Variants in COX7B2 observed in about 807,000 individuals in gnomAD.
COX7B2 encodes the protein cytochrome c oxidase subunit 7B2, mitochondrial.
For synonymous variants in COX7B2, 37 were observed against 32.1 expected (o/e 1.15, Z -0.51); for missense variants, 109 against 95.9 (o/e 1.14, Z -0.57).
At chr4:46,781,846 G>A (rs945042711) in intron 2 of COX7B2, among the ~76,000 whole-genome samples, 13 of 152,224 alleles carry the variant, frequency 8.5e-5, no homozygotes, top group Non-Finnish European at 1.6e-4. Flanking sequence ...GAGGATGTGC[G>A]GGGTCCCTCA....
intron 2 of COX7B2, among the ~76,000 whole-genome samples, chr4:46,824,640 T>A: frequency 6.9e-6 from 1 of 144,912 alleles, no homozygotes; most frequent in Non-Finnish European, 1.5e-5. Context: ...ATTATGTGAG[T>A]ATTACTGTTT....
intron 2 of COX7B2, among the ~76,000 whole-genome samples, chr4:46,758,290 A>G (rs955044414): frequency 1.3e-5 from 2 of 152,072 alleles, no homozygotes; most frequent in Non-Finnish European, 2.9e-5. Flanking sequence ...ACTGAGAGGT[A>G]TAGAGCATAG....
intron 2 of COX7B2, among the ~76,000 whole-genome samples, chr4:46,822,454 A>C (rs1714366270): frequency 6.6e-6 from 1 of 152,142 alleles, no homozygotes; most frequent in Non-Finnish European, 1.5e-5. Context: ...AGAAGTATCT[A>C]TTTGTTGATT....
intron 1 of COX7B2, among the ~76,000 whole-genome samples, chr4:46,848,324 TA>T (rs1234996218): frequency 6.6e-6 from 1 of 152,020 alleles, no homozygotes; most frequent in East Asian, 1.9e-4. Context: ...GATTGGCTTT[TA>T]ATTTATTTTT....
rs542843285 is a variant in COX7B2 at position 46,840,396 on chromosome 4, G to A, written c.-50+4564C>T. 3.3e-5 allele frequency among the ~76,000 whole-genome samples: 5 copies of A among 152,094 alleles called. No homozygotes were observed. The South Asian group carries it at 6.2e-4, about 19-fold the overall frequency. On this transcript the variant is annotated intron_variant, in intron 2 of 2. Transcript: ENST00000355591. ...CAACAATAATAGGATTCAGCAGGTAGGAAAGAGAGGATATTATATTAAATA... is the reference window on the plus strand; with the variant it reads ...CAACAATAATAGGATTCAGCAGGTAAGAAAGAGAGGATATTATATTAAATA...
At chr4:46,907,961 C>T (rs1455496808) in intron 1 of COX7B2, among the ~76,000 whole-genome samples, 2 of 146,478 alleles carry the variant, frequency 1.4e-5, no homozygotes, top group African/African-American at 5.1e-5. Context: ...TCAAGCGATT[C>T]TCCCGGCTCA....
chr4:46,824,898 G>A (rs756006406), intron 2 of COX7B2, among the ~76,000 whole-genome samples: 31 of 151,822 alleles, frequency 2.0e-4, no homozygotes, highest in Admixed American at 3.9e-4. Flanking sequence ...AATAGAAGCC[G>A]TCTATGACAA....
In COX7B2 at chr4:46,884,880, T is replaced by C. The variant is rs1403283280; in HGVS notation, c.-105+24280A>G. ...GCTTCAAACAATCTATTTGATCTGTTTGCTTTTTTTTTTTTATTATGCTAG... is the reference window on the plus strand; with the variant it reads ...GCTTCAAACAATCTATTTGATCTGTCTGCTTTTTTTTTTTTATTATGCTAG... On this transcript the variant is annotated intron_variant, in intron 1 of 2. Transcript: ENST00000355591. Among the ~76,000 whole-genome samples the C allele has an allele frequency of 2.0e-5, 3 of 151,880 alleles. No individual in the cohort carries two copies. In the South Asian group the frequency reaches 6.2e-4, roughly 31 times the overall value.
chr4:46,827,952 C>A (rs1182300710), intron 2 of COX7B2, among the ~76,000 whole-genome samples: 3 of 152,084 alleles, frequency 2.0e-5, no homozygotes, highest in Non-Finnish European at 4.4e-5. Flanking sequence ...AAATTGACTG[C>A]AAAAGGTCAC....
At chr4:46,834,395 A>T (rs1021496936) in intron 2 of COX7B2, among the ~76,000 whole-genome samples, 2 of 152,138 alleles carry the variant, frequency 1.3e-5, no homozygotes, top group African/African-American at 4.8e-5. Context: ...GAATAACTAA[A>T]CTAGTATAGT....
chr4:46,796,007 T>C (rs1718312602), intron 2 of COX7B2, among the ~76,000 whole-genome samples: 1 of 83,070 alleles, frequency 1.2e-5, no homozygotes, highest in Non-Finnish European at 2.3e-5. Context: ...TGTTTGTCTG[T>C]TGTTGGTGTA....
chr4:46,853,102 T>C (rs181680434), intron 1 of COX7B2, among the ~76,000 whole-genome samples: 24 of 152,244 alleles, frequency 1.6e-4, no homozygotes, highest in Non-Finnish European at 3.4e-4. Context: ...CATTGATTGA[T>C]TGATTGATTG....
At chr4:46,849,642 T>C (rs2109775273) in intron 1 of COX7B2, among the ~76,000 whole-genome samples, 1 of 152,226 alleles carries the variant, frequency 6.6e-6, no homozygotes, top group East Asian at 1.9e-4. Flanking sequence ...TATTACATAA[T>C]GTTTAATACA....
chr4:46,799,676 G>GAACT (rs113919970), intron 2 of COX7B2, among the ~76,000 whole-genome samples: 3,615 of 152,118 alleles, frequency 0.024, 127 homozygotes, highest in African/African-American at 0.082. Flanking sequence ...TTATGCAGTT[G>GAACT]AACCTTGCAT....
At chr4:46,859,241 C>A (rs1047992126) in intron 1 of COX7B2, among the ~76,000 whole-genome samples, 9 of 152,292 alleles carry the variant, frequency 5.9e-5, no homozygotes, top group Admixed American at 5.2e-4. Context: ...CAAGCTACCT[C>A]TTTTCCCTTT....
intron 2 of COX7B2, among the ~76,000 whole-genome samples, chr4:46,738,661 T>C (rs1346016419): frequency 6.6e-6 from 1 of 152,058 alleles, no homozygotes; most frequent in African/African-American, 2.4e-5. Flanking sequence ...ACTCCTATTA[T>C]CTAAAGAACT....
rs550036932 is a variant in COX7B2, at chr4:46,874,276, A to G, written c.-104-29262T>C. Among the ~76,000 whole-genome samples, 166 of 152,346 alleles carry G rather than the reference A, an allele frequency of 1.1e-3. No individual in the cohort carries two copies. The Middle Eastern group carries it at 0.02, about 19-fold the overall frequency. On this transcript the variant is annotated intron_variant, in intron 1 of 2. Coordinates refer to ENST00000355591, the MANE Select transcript of COX7B2 (RefSeq NM_130902.3). ...CATGGTTGGGAAGAAGAAAAAATTT[A>G]GAATTTGCTTAAATTCATGTTATTT...
At chr4:46,907,679 A>G (rs1254548098) in intron 1 of COX7B2, among the ~76,000 whole-genome samples, 1 of 151,986 alleles carries the variant, frequency 6.6e-6, no homozygotes, top group Non-Finnish European at 1.5e-5. Context: ...TTATGACCAG[A>G]GTACACAGAA....
chr4:46,882,725 T>C (rs781383429), intron 1 of COX7B2, among the ~76,000 whole-genome samples: 9 of 152,208 alleles, frequency 5.9e-5, no homozygotes, highest in Non-Finnish European at 1.3e-4. Context: ...AGCATACTAC[T>C]GGTTGACCCA....
Sources: gnomAD v4.1 joint callset for allele counts (sites outside exome capture counted in the v4.1 genomes callset) on GRCh38, gnomAD v4.1.1 for gene constraint, MANE v1.5 for transcripts, NCBI Gene and HGNC (gene_info 2026-07-23, HGNC 2026-07-21) for gene names.